The following NGEF variants were observed in gnomAD, a reference collection of about 807,000 sequenced individuals.
The protein encoded by NGEF is neuronal guanine nucleotide exchange factor.
A neutral mutation model predicts 80.9 loss-of-function variants in NGEF; 31 were observed. The observed-to-expected ratio is 0.38, with a 90% CI of 0.29 to 0.52. The LOEUF is 0.52. Ranked by LOEUF, NGEF falls within the 20% of genes least tolerant of loss-of-function variation. The pLI, the probability that NGEF is intolerant of heterozygous loss-of-function variation, is 0.84. For synonymous variants in NGEF, 371 were observed against 370.2 expected (o/e 1.00, Z -0.03); for missense variants, 709 against 926.2 (o/e 0.77, Z 3.04).
intron 5 of NGEF, among the ~76,000 whole-genome samples, chr2:232,906,076 G>A (rs113977818): frequency 0.11 from 12,331 of 114,208 alleles, 1,391 homozygotes; most frequent in Non-Finnish European, 0.15. Context: ...AGGTGAGGGG[G>A]TCAGCCCCCC....
intron 7 of NGEF, among the ~76,000 whole-genome samples, chr2:232,891,694 G>A (rs1210709751): frequency 2.0e-5 from 3 of 152,194 alleles, no homozygotes; most frequent in Non-Finnish European, 4.4e-5. Context: ...GCCTGGCCTT[G>A]AAGACTTGGC....
intron 3 of NGEF, among the ~76,000 whole-genome samples, chr2:232,938,741 G>GGA (rs1193867062): frequency 8.3e-6 from 1 of 121,178 alleles, no homozygotes; most frequent in African/African-American, 3.2e-5. Flanking sequence ...CCTGTCTTAA[G>GGA]AAAAAAAAAA....
rs142380724 is a variant in NGEF, at chr2:232,984,473, C to A, written c.-74-9509G>T. 4.0e-3 allele frequency among the ~76,000 whole-genome samples: 603 copies of A among 152,126 alleles called. 5 individuals carry two copies. Among genetic ancestry groups the A allele is most frequent in the African/African-American group, 0.014 (579 of 41,502 alleles). On this transcript the variant is annotated intron_variant, in intron 1 of 14. Coordinates refer to ENST00000264051, the MANE Select transcript of NGEF (RefSeq NM_019850.3). ...TTTTTTACAGGATGGAAGTCCGATG[C>A]CAGAGAGTTGTAGGTTATGGATTTG...
intron 3 of NGEF, among the ~76,000 whole-genome samples, chr2:232,929,184 A>T (rs958645839): frequency 1.3e-5 from 2 of 152,216 alleles, no homozygotes; most frequent in Non-Finnish European, 2.9e-5. Context: ...AGTGCGGAGC[A>T]TAGTCCCCCG....
At chr2:232,908,750 G>GC (rs1553548443) in intron 5 of NGEF, among the ~76,000 whole-genome samples, 4 of 144,996 alleles carry the variant, frequency 2.8e-5, no homozygotes, top group Non-Finnish European at 4.6e-5. Context: ...TTGGTTTTTT[G>GC]TTTTTTTTTT....
intron 1 of NGEF, among the ~76,000 whole-genome samples, chr2:233,002,198 G>A (rs1272514234): frequency 6.6e-6 from 1 of 152,090 alleles, no homozygotes; most frequent in African/African-American, 2.4e-5. Context: ...AGGGACACGA[G>A]TCAAACGTTC....
At chr2:232,882,428 C>T (rs1343900238) in intron 12 of NGEF, among the ~76,000 whole-genome samples, 163 bp from the exon 13 acceptor site, 1 of 152,236 alleles carries the variant, frequency 6.6e-6, no homozygotes, top group Non-Finnish European at 1.5e-5. Flanking sequence ...CAGAAACGGG[C>T]TGGTCCAGGG....
chr2:232,956,547 AC>A (rs1360352669), intron 3 of NGEF, among the ~76,000 whole-genome samples: 1 of 152,158 alleles, frequency 6.6e-6, no homozygotes, highest in Middle Eastern at 3.4e-3. Context: ...GTGGGCGGAT[AC>A]CTGAGGTCAG....
intron 3 of NGEF, chr2:232,927,975 T>G: frequency 5.5e-6 from 7 of 1,280,962 alleles, no homozygotes; most frequent in Non-Finnish European, 6.9e-6. Context: ...CAGGCGGCGC[T>G]GAAGGCAGCG....
chr2:232,995,568 C>CGTA (rs1694810982), intron 1 of NGEF, among the ~76,000 whole-genome samples: 1 of 5,192 alleles, frequency 1.9e-4, no homozygotes, highest in African/African-American at 1.2e-3. Context: ...AGTATGTATA[C>CGTA]TGTATATATA....
At chr2:232,881,277 C>T (rs913312190) in intron 13 of NGEF, 27 bp from the exon 14 acceptor site, 29 of 1,571,726 alleles carry the variant, frequency 1.8e-5, no homozygotes, top group Non-Finnish European at 2.3e-5. Flanking sequence ...ACGGGCACAT[C>T]CCCACCACCG....
intron 1 of NGEF, among the ~76,000 whole-genome samples, chr2:233,006,693 C>T (rs1695090198): frequency 6.6e-6 from 1 of 152,144 alleles, no homozygotes; most frequent in South Asian, 2.1e-4. Flanking sequence ...TAAAATTTTG[C>T]AAGGGCCAAG....
rs776811408 is a variant in NGEF, at chr2:232,884,119, C to T, written c.1463G>A (p.Arg488His). 6 of 1,605,122 alleles carry T rather than the reference C, an allele frequency of 3.7e-6. No homozygotes were observed. The highest frequency in any genetic ancestry group is 5.1e-6 in the Non-Finnish European group (6 of 1,177,570). The part of the protein sequence containing the change: ...IKSVPIISHS[R>H]WLLKQGELQQ... ...CAGCTCACCCTGCTTCAGCAGCCAG[C>T]GGGAGTGGGAGATGATGGGCACCGA... The change falls in exon 11 of 15, where the codon CGC (arginine) becomes CAC (histidine). Residue 488 changes from arginine to histidine, a missense_variant. Physicochemically the swap from Arg to His is conservative, Grantham distance 29 (BLOSUM62 0). Coordinates refer to ENST00000264051, the MANE Select transcript of NGEF (RefSeq NM_019850.3).
At chr2:233,001,265 G>A (rs1273022943) in intron 1 of NGEF, among the ~76,000 whole-genome samples, 1 of 152,240 alleles carries the variant, frequency 6.6e-6, no homozygotes, top group East Asian at 1.9e-4. Flanking sequence ...AGGCCCAGCA[G>A]AGCAGGCAGG....
rs985672693 is a variant in NGEF, at chr2:232,928,240, G to A, written c.384-1054C>T. On this transcript the variant is annotated intron_variant, in intron 3 of 14. Coordinates refer to ENST00000264051, the MANE Select transcript of NGEF (RefSeq NM_019850.3). ...GGGCGCGCGCGGCGGGGGCGAGGCCGGGCGGCGGCGGGGCGGGGGCGCCCG... is the reference window on the plus strand; with the variant it reads ...GGGCGCGCGCGGCGGGGGCGAGGCCAGGCGGCGGCGGGGCGGGGGCGCCCG... The A allele has an allele frequency of 4.4e-6, 4 of 908,986 alleles. No individual in the cohort carries two copies. In the African/African-American group the frequency reaches 5.4e-5, roughly 12 times the overall value. The allele number at this position is 908,986 out of a possible 1,614,324, so 56.3% of individuals were successfully genotyped here. A position where few individuals can be genotyped will look rare whatever the true frequency, so the allele number is the denominator to read the frequency against.
At chr2:232,988,552 A>G (rs4973060) in intron 1 of NGEF, among the ~76,000 whole-genome samples, 133,770 of 152,224 alleles carry the variant, frequency 0.88, 58,945 homozygotes, top group East Asian at 0.99. Context: ...GCCCTACGGG[A>G]CAGTTTGGCA....
chr2:233,008,538 G>A (rs917342469), intron 1 of NGEF, among the ~76,000 whole-genome samples: 1 of 152,212 alleles, frequency 6.6e-6, no homozygotes, highest in Non-Finnish European at 1.5e-5. Flanking sequence ...CCACTTTGGG[G>A]CGGGACCTGG....
intron 5 of NGEF, among the ~76,000 whole-genome samples, chr2:232,896,506 A>C (rs550750904): frequency 1.3e-3 from 137 of 104,808 alleles, no homozygotes; most frequent in Middle Eastern, 5.3e-3. Flanking sequence ...CAGAGCAGTG[A>C]GGAGCCTGGG....
At chr2:232,980,327 C>A (rs1694387098) in intron 1 of NGEF, among the ~76,000 whole-genome samples, 1 of 152,082 alleles carries the variant, frequency 6.6e-6, no homozygotes, top group South Asian at 2.1e-4. Flanking sequence ...TAGCAATCAC[C>A]AGCTACTGCA....
Sources: gnomAD v4.1 joint callset for allele counts (sites outside exome capture counted in the v4.1 genomes callset) on GRCh38, gnomAD v4.1.1 for gene constraint, MANE v1.5 for transcripts, NCBI Gene and HGNC (gene_info 2026-07-23, HGNC 2026-07-21) for gene names.